HDGFL3: variants seen among roughly 807,000 people sequenced by gnomAD.
HDGFL3 encodes HDGF like 3, also known as hepatoma-derived growth factor-related protein 3.
HDGFL3 carries 6 observed loss-of-function variants against 27.6 expected under a neutral mutation model. That is an observed-to-expected ratio of 0.22 (90% CI 0.12 to 0.43). The LOEUF (loss-of-function observed/expected upper bound fraction) is 0.43. HDGFL3 is among the 20% of genes least tolerant of loss of function. HDGFL3 has a pLI of 1.00. For missense variants in HDGFL3, 207 were observed against 250.1 expected, an observed-to-expected ratio of 0.83 and a Z score of 1.16; for synonymous variants, 88 against 88.9, an observed-to-expected ratio of 0.99 and a Z score of 0.05.
chr15:83,207,309 CG>C lies in HDGFL3; in HGVS notation c.84+21del. 1 of 1,335,862 alleles carries C rather than the reference CG, an allele frequency of 7.5e-7. No homozygotes were observed. The highest frequency in any genetic ancestry group is 2.0e-5 in the South Asian group (1 of 48,842). The allele number at this position is 1,335,862 out of a possible 1,614,324, so 82.8% of individuals were successfully genotyped here. ...GGGGAAAATGGTGGGCGGGCGGGCC[CG>C]CGCGCGGCCGCGGTACTCACCCGGG... On this transcript the variant is annotated intron_variant, in intron 1 of 5. Transcript: ENST00000299633. The surrounding 1 kb of genome is among the most constrained non-coding windows in gnomAD (Gnocchi z 4.8).
intron 5 of HDGFL3, among the ~76,000 whole-genome samples, chr15:83,141,237 A>C (rs540480024): frequency 2.8e-4 from 43 of 152,274 alleles, no homozygotes; most frequent in African/African-American, 1.0e-3. Context: ...ATGCACCCCT[A>C]TATTAGATAA....
chr15:83,164,029 T>G lies in HDGFL3; in HGVS notation c.131A>C (p.Tyr44Ser). 6.2e-7 allele frequency: 1 copy of G among 1,612,364 alleles called. No individual in the cohort carries two copies. Among genetic ancestry groups the G allele is most frequent in the Non-Finnish European group, 8.5e-7 (1 of 1,179,384 alleles). ...ATGGGTGCCAAAAAAGAAGATAGGA[T>G]ACTTGTTTGCTGGAGGCTTCACAGC... ...EGAVKPPANK[Y>S]PIFFFGTHET... Residue 44 changes from tyrosine (Y) to serine (S), a missense_variant, in exon 2 of 6, where the codon TAT (tyrosine) becomes TCT (serine). Coordinates refer to ENST00000299633, the MANE Select transcript of HDGFL3 (RefSeq NM_016073.4).
chr15:83,119,429 C>A, intron 3 of HDGFL3: 1 of 848,506 alleles, frequency 1.2e-6, no homozygotes, highest in Non-Finnish European at 1.8e-6. Context: ...GTTGTATTTT[C>A]ATGTTCCTAC....
intron 1 of HDGFL3, among the ~76,000 whole-genome samples, chr15:83,198,153 T>C (rs1354961862): frequency 1.3e-5 from 2 of 151,420 alleles, no homozygotes; most frequent in Non-Finnish European, 1.5e-5. Context: ...TTAAAATCTA[T>C]ATAACTAACC....
chr15:83,173,604 T>C (rs1461247296), intron 1 of HDGFL3, among the ~76,000 whole-genome samples: 1 of 152,232 alleles, frequency 6.6e-6, no homozygotes, highest in African/African-American at 2.4e-5. Context: ...TTTCTCTAGA[T>C]TTCATTTCCA....
intron 5 of HDGFL3, among the ~76,000 whole-genome samples, chr15:83,150,839 C>G (rs2036954866): frequency 6.6e-6 from 1 of 152,166 alleles, no homozygotes; most frequent in Admixed American, 6.5e-5. Flanking sequence ...GGGAAAGAAG[C>G]AGCAGTATGT....
intron 1 of HDGFL3, chr15:83,192,451 G>A (rs187203799): frequency 6.6e-4 from 232 of 351,936 alleles, no homozygotes; most frequent in Non-Finnish European, 1.2e-3. Flanking sequence ...GACATGGTGA[G>A]TACTTTGATT....
At chr15:83,124,175 A>G (rs2035523382), downstream of HDGFL3, among the ~76,000 whole-genome samples, 1 of 152,218 alleles carries the variant, frequency 6.6e-6, no homozygotes, top group Non-Finnish European at 1.5e-5. Context: ...CTTATAATAT[A>G]GGCAGATGTT....
intron 3 of HDGFL3, among the ~76,000 whole-genome samples, chr15:83,118,392 C>T (rs2034897748): frequency 6.6e-6 from 1 of 152,192 alleles, no homozygotes; most frequent in South Asian, 2.1e-4. Context: ...AGATGCTCAT[C>T]AAGCTACCAG....
intron 1 of HDGFL3, among the ~76,000 whole-genome samples, chr15:83,199,032 T>C (rs1165562326): frequency 6.6e-6 from 1 of 152,264 alleles, no homozygotes; most frequent in Non-Finnish European, 1.5e-5. Flanking sequence ...TGAAAGCCGT[T>C]AGACTGCAAT....
rs1312432854 is a variant in HDGFL3 at position 83,205,607 on chromosome 15, T to G, written c.84+1724A>C. On this transcript the variant is annotated intron_variant, in intron 1 of 5. Transcript: ENST00000299633. ...TTTAAGTCTATTTTCTTTTTGACTA[T>G]CAGAAGATATTTTTCAAAGGGAAGA... Among the ~76,000 whole-genome samples the G allele has an allele frequency of 3.3e-5, 5 of 152,352 alleles. No homozygotes were observed. The East Asian group carries it at 7.7e-4, about 24-fold the overall frequency.
chr15:83,175,501 T>G (rs1057262219), intron 1 of HDGFL3, among the ~76,000 whole-genome samples: 3 of 152,226 alleles, frequency 2.0e-5, no homozygotes, highest in African/African-American at 7.2e-5. Context: ...TTTTATTGAC[T>G]TTCTGTTTCT....
intron 4 of HDGFL3, among the ~76,000 whole-genome samples, chr15:83,156,541 G>T (rs1274387025): frequency 6.6e-6 from 1 of 152,140 alleles, no homozygotes; most frequent in Non-Finnish European, 1.5e-5. Context: ...AGAATGACAA[G>T]TAAAAATATA....
At chr15:83,145,374 GA>G (rs958710891) in intron 5 of HDGFL3, among the ~76,000 whole-genome samples, 2 of 151,998 alleles carry the variant, frequency 1.3e-5, no homozygotes, top group African/African-American at 2.4e-5. Flanking sequence ...TTCTCAATTT[GA>G]ATTTCCAAGA....
Position 83,157,710 on chromosome 15 carries a change from C to T in HDGFL3, c.301-137G>A, listed in dbSNP as rs1219396393. ...TTTTCAAAAACAAAGGGCTGTCAAA[C>T]TGAATTTTCCAATGGACACTTGATT... On this transcript the variant is annotated intron_variant, in intron 3 of 5. Coordinates refer to ENST00000299633, the MANE Select transcript of HDGFL3 (RefSeq NM_016073.4). 5 of 1,003,336 alleles carry T rather than the reference C, an allele frequency of 5.0e-6. No individual in the cohort carries two copies. The Admixed American group carries it at 1.4e-4, about 27-fold the overall frequency. 62.2% of individuals were successfully genotyped at this position (1,003,336 alleles called of 1,614,324 possible).
At chr15:83,188,954 G>A (rs1269888587) in intron 1 of HDGFL3, among the ~76,000 whole-genome samples, 5 of 152,116 alleles carry the variant, frequency 3.3e-5, no homozygotes, top group African/African-American at 4.8e-5. Flanking sequence ...AGTAAAGGGC[G>A]TCACCATCCA....
chr15:83,186,843 G>A (rs1207913106), intron 1 of HDGFL3, among the ~76,000 whole-genome samples: 1 of 152,096 alleles, frequency 6.6e-6, no homozygotes, highest in Non-Finnish European at 1.5e-5. Context: ...ATGCATCCAT[G>A]TAACCAACAA....
intron 3 of HDGFL3, chr15:83,122,026 T>A (rs2035304594): frequency 1.3e-6 from 2 of 1,569,124 alleles, no homozygotes; most frequent in African/African-American, 1.4e-5. Context: ...ATCTTAAAGT[T>A]CACTTTCCTT....
At chr15:83,169,414 C>CAAAAAAAAAAAAAAAAAAA (rs58159581) in intron 1 of HDGFL3, among the ~76,000 whole-genome samples, 40 of 35,580 alleles carry the variant, frequency 1.1e-3, no homozygotes, top group Non-Finnish European at 1.8e-3. Context: ...GACTCCGTCT[C>CAAAAAAAAAAAAAAAAAAA]AAAAAAAAAA....
Sources: allele counts gnomAD v4.1 joint callset (sites outside exome capture counted in the v4.1 genomes callset), GRCh38; gene constraint gnomAD v4.1.1; non-coding constraint Gnocchi (gnomAD v3.1); transcripts MANE v1.5; gene names NCBI Gene and HGNC (gene_info 2026-07-23, HGNC 2026-07-21).